The following ADCY2 variants were observed in gnomAD, a reference collection of about 807,000 sequenced individuals.
The protein encoded by ADCY2 is adenylate cyclase 2.
A neutral mutation model predicts 125.2 loss-of-function variants in ADCY2; 31 were observed. The ratio of observed to expected loss-of-function variants is 0.25; its 90% CI spans 0.19 to 0.33. The LOEUF (loss-of-function observed/expected upper bound fraction) is 0.33. Among genes scored for constraint, ADCY2 ranks in the 10% least tolerant of loss-of-function variants. ADCY2 has a pLI of 1.00. For synonymous variants in ADCY2, 512 were observed against 548.4 expected (o/e 0.93, Z 0.93); for missense variants, 904 against 1,418.2 (o/e 0.64, Z 5.82).
At chr5:7,600,161 T>G (rs1438812520) in intron 3 of ADCY2, among the ~76,000 whole-genome samples, 2 of 152,116 alleles carry the variant, frequency 1.3e-5, no homozygotes, top group South Asian at 2.1e-4. Flanking sequence ...GGAACTGACT[T>G]CTCTTTCAAG....
chr5:7,792,003 A>T (rs1744263067), intron 20 of ADCY2, among the ~76,000 whole-genome samples: 1 of 152,038 alleles, frequency 6.6e-6, no homozygotes, highest in African/African-American at 2.4e-5. Flanking sequence ...CTACTTTTCC[A>T]CAGGCACCAG....
At chr5:7,592,000 C>T (rs146750362) in intron 3 of ADCY2, among the ~76,000 whole-genome samples, 10 of 152,238 alleles carry the variant, frequency 6.6e-5, no homozygotes, top group African/African-American at 1.7e-4. Context: ...GAATGTTTAA[C>T]TTTTACTTTT....
At chr5:7,583,671 G>A (rs1162523939) in intron 3 of ADCY2, among the ~76,000 whole-genome samples, 1 of 152,052 alleles carries the variant, frequency 6.6e-6, no homozygotes, top group Non-Finnish European at 1.5e-5. Context: ...GTGCAAAATG[G>A]TATAGCCATT....
At chr5:7,674,536 G>A (rs2914304) in intron 4 of ADCY2, among the ~76,000 whole-genome samples, 25,433 of 152,206 alleles carry the variant, frequency 0.17, 2,417 homozygotes, top group Admixed American at 0.33. Context: ...CTAACCAAGA[G>A]AAACTGTTCC....
intron 14 of ADCY2, among the ~76,000 whole-genome samples, chr5:7,729,413 A>T (rs1742028146): frequency 6.6e-6 from 1 of 151,922 alleles, no homozygotes; most frequent in Admixed American, 6.6e-5. Context: ...GGTTTTATTT[A>T]TTCAATTTGA....
intron 3 of ADCY2, among the ~76,000 whole-genome samples, chr5:7,551,793 T>C (rs1735351711): frequency 6.6e-6 from 1 of 152,236 alleles, no homozygotes; most frequent in Non-Finnish European, 1.5e-5. Context: ...TAGATATGTT[T>C]CTTTGAATGC....
chr5:7,805,464 G>C (rs1744732011), intron 22 of ADCY2, among the ~76,000 whole-genome samples: 2 of 152,146 alleles, frequency 1.3e-5, no homozygotes, highest in Admixed American at 1.3e-4. Context: ...GTGTGAGAGA[G>C]AGAGAGAGAG....
At chr5:7,624,880 G>A (rs763789783) in intron 3 of ADCY2, among the ~76,000 whole-genome samples, 1 of 152,200 alleles carries the variant, frequency 6.6e-6, no homozygotes, top group Admixed American at 6.5e-5. Context: ...TGTGGAAATG[G>A]AGGGTAGGGT....
intron 2 of ADCY2, among the ~76,000 whole-genome samples, chr5:7,481,825 A>T (rs892897202): frequency 6.6e-6 from 1 of 151,688 alleles, no homozygotes; most frequent in Non-Finnish European, 1.5e-5. Context: ...ATGTAATCCT[A>T]TTTGTCCATT....
At chr5:7,565,621 T>C (rs913716059) in intron 3 of ADCY2, among the ~76,000 whole-genome samples, 3 of 152,194 alleles carry the variant, frequency 2.0e-5, no homozygotes, top group Admixed American at 2.0e-4. Context: ...TAAAATTGAT[T>C]GTAGGCCAGT....
intron 4 of ADCY2, among the ~76,000 whole-genome samples, chr5:7,631,639 G>GTAGC (rs1202555432): frequency 6.6e-6 from 1 of 152,240 alleles, no homozygotes; most frequent in Non-Finnish European, 1.5e-5. Flanking sequence ...AAGGCAGTCA[G>GTAGC]TAGCTGTTCT....
intron 16 of ADCY2, among the ~76,000 whole-genome samples, chr5:7,759,110 C>A (rs1021617252): frequency 6.6e-6 from 1 of 152,102 alleles, no homozygotes; most frequent in Non-Finnish European, 1.5e-5. Context: ...TGCAAAGGGG[C>A]CTTCAGAGAG....
chr5:7,562,779 T>A (rs1735751029), intron 3 of ADCY2, among the ~76,000 whole-genome samples: 1 of 152,168 alleles, frequency 6.6e-6, no homozygotes, highest in South Asian at 2.1e-4. Flanking sequence ...GCTGTCCTTT[T>A]CTTTATTCTC....
chr5:7,689,104 G>C (rs2126722426), intron 4 of ADCY2, among the ~76,000 whole-genome samples: 1 of 152,296 alleles, frequency 6.6e-6, no homozygotes, highest in South Asian at 2.1e-4. Context: ...ACGAGAGCGG[G>C]ATCAGGCCAT....
intron 2 of ADCY2, among the ~76,000 whole-genome samples, chr5:7,432,525 G>A (rs1028503844): frequency 1.3e-5 from 2 of 152,166 alleles, no homozygotes; most frequent in African/African-American, 4.8e-5. Flanking sequence ...GCTCACCTTC[G>A]TGCTCCATCC....
chr5:7,587,786 G>A (rs956965278), intron 3 of ADCY2, among the ~76,000 whole-genome samples: 7 of 152,186 alleles, frequency 4.6e-5, no homozygotes, highest in Non-Finnish European at 8.8e-5. Context: ...GCAAATAAAG[G>A]AGAACATAAA....
Position 7,709,160 on chromosome 5 carries a change from ATGTGTGGCCC to A in ADCY2, c.1402-46_1402-37del. Reference sequence around the variant, plus strand: ...CAATGAGGTCGATGCCAAAAGGATCATGTGTGGCCCTGTGCTGTGCCAGGTGTGATGCTTT... The same window carrying A: ...CAATGAGGTCGATGCCAAAAGGATCATGTGCTGTGCCAGGTGTGATGCTTT... On this transcript the variant is annotated intron_variant, in intron 9 of 24. Coordinates refer to ENST00000338316, the MANE Select transcript of ADCY2 (RefSeq NM_020546.3). This position sits in a 1 kb window ranked among gnomAD's most constrained non-coding sequence, Gnocchi z 4.4. The A allele has an allele frequency of 6.7e-6, 10 of 1,489,370 alleles. No homozygotes were observed. The highest frequency in any genetic ancestry group is 9.0e-6 in the Non-Finnish European group (10 of 1,116,078). 92.3% of individuals were successfully genotyped at this position (1,489,370 alleles called of 1,614,324 possible).
chr5:7,567,415 G>A (rs1735933733), intron 3 of ADCY2, among the ~76,000 whole-genome samples: 1 of 152,090 alleles, frequency 6.6e-6, no homozygotes, highest in Non-Finnish European at 1.5e-5. Context: ...TCAGGAATTT[G>A]TGTCCTTTTT....
chr5:7,498,577 A>G (rs1198117956), intron 2 of ADCY2, among the ~76,000 whole-genome samples: 2 of 152,134 alleles, frequency 1.3e-5, no homozygotes, highest in Non-Finnish European at 1.5e-5. Flanking sequence ...TGCTTTTGAT[A>G]ATGTAAATTG....
Sources: gnomAD v4.1 joint callset for allele counts (sites outside exome capture counted in the v4.1 genomes callset) on GRCh38, gnomAD v4.1.1 for gene constraint, Gnocchi (gnomAD v3.1) non-coding constraint, MANE v1.5 for transcripts, NCBI Gene and HGNC (gene_info 2026-07-23, HGNC 2026-07-21) for gene names.